The following ARHGEF10 variants were observed in gnomAD, a reference collection of about 807,000 sequenced individuals.
ARHGEF10 encodes Rho guanine nucleotide exchange factor 10.
ARHGEF10 carries 140 observed loss-of-function variants against 147.4 expected under a neutral mutation model. That is an observed-to-expected ratio of 0.95 (90% CI 0.83 to 1.09). ARHGEF10 has a LOEUF of 1.09. Ranked by LOEUF, ARHGEF10 falls within the 50% of genes least tolerant of loss-of-function variation. The pLI is 0.00. For synonymous variants in ARHGEF10, 902 were observed against 695.8 expected, an observed-to-expected ratio of 1.30 and a Z score of -4.67; for missense variants, 2,222 against 1,752.7, an observed-to-expected ratio of 1.27 and a Z score of -4.78.
chr8:1,889,212 C>G lies in ARHGEF10; in HGVS notation c.1182+3505C>G, dbSNP rs555155631. ...GTGGGGTGAGGTTTATTAGGAGACA[C>G]TGAATGGGGTGAGGGTTGTGAGGAG... On this transcript the variant is annotated intron_variant, in intron 11 of 28. Transcript: ENST00000349830. Among the ~76,000 whole-genome samples, 5 of 100,736 alleles carry G rather than the reference C, an allele frequency of 5.0e-5. 1 individual carries two copies. In the East Asian group the frequency reaches 1.3e-3, roughly 26 times the overall value. 66.1% of individuals were successfully genotyped at this position (100,736 alleles called of 152,430 possible).
chr8:1,955,556 T>C (rs1485289989), intron 28 of ARHGEF10, among the ~76,000 whole-genome samples: 3 of 148,506 alleles, frequency 2.0e-5, no homozygotes, highest in South Asian at 2.1e-4. Flanking sequence ...TCTCACTGTT[T>C]CTCTGGATGG....
At position 1,876,707 on chromosome 8, in the gene ARHGEF10, C is replaced by G; in HGVS notation, c.816C>G (p.Ser272=). The part of the protein sequence containing the change: ...DSECKNGIPR[S]FLRSNHKKQL... Reference sequence around the variant, plus strand: ...AGTGCAAGAATGGGATTCCCAGGTCCTTCCTGCGCAGCAACCACAAAAAGC... The same window carrying G: ...AGTGCAAGAATGGGATTCCCAGGTCGTTCCTGCGCAGCAACCACAAAAAGC... Residue 272 remains serine (S), a synonymous_variant, in exon 8 of 29, where the codon TCC becomes TCG. Coordinates refer to ENST00000349830, the MANE Select transcript of ARHGEF10 (RefSeq NM_014629.4). The G allele has an allele frequency of 1.2e-6, 2 of 1,614,148 alleles. No individual in the cohort carries two copies. Among genetic ancestry groups the G allele is most frequent in the Non-Finnish European group, 1.7e-6 (2 of 1,180,040 alleles).
At position 1,860,158 on chromosome 8, in the gene ARHGEF10, T is replaced by C; in HGVS notation, c.455T>C (p.Ile152Thr). ...LLPAYSSPVI[I>T]CATSLDEEET... ...CCCGCCTACTCCAGCCCGGTCATCA[T>C]CTGCGCCACGTCCCTGGACGAAGAA... The change falls in exon 4 of 29, where the codon ATC becomes ACC. Residue 152 changes from isoleucine to threonine, a missense_variant. By Grantham distance (89) the Ile-to-Thr change is moderately conservative (BLOSUM62 -1). Transcript: ENST00000349830. The C allele has an allele frequency of 6.2e-7, 1 of 1,613,680 alleles. No homozygotes were observed. Among genetic ancestry groups the C allele is most frequent in the Non-Finnish European group, 8.5e-7 (1 of 1,179,956 alleles).
chr8:1,905,799 T>A (rs1041791660), intron 17 of ARHGEF10, 83 bp downstream of exon 17: 77 of 1,560,114 alleles, frequency 4.9e-5, no homozygotes, highest in Non-Finnish European at 6.5e-5. Flanking sequence ...CTTTGTTAAT[T>A]CTGTCACTCA....
intron 11 of ARHGEF10, among the ~76,000 whole-genome samples, chr8:1,890,224 G>T (rs945808580): frequency 7.3e-6 from 1 of 137,014 alleles, no homozygotes; most frequent in African/African-American, 2.8e-5. Flanking sequence ...GACACTGAGT[G>T]GGGTGAGGGT....
At chr8:1,826,628 T>C (rs189918571) in intron 1 of ARHGEF10, among the ~76,000 whole-genome samples, 2 of 152,296 alleles carry the variant, frequency 1.3e-5, no homozygotes, top group East Asian at 3.9e-4. Context: ...AAAACAAAGA[T>C]GTTTGGCATA....
intron 11 of ARHGEF10, among the ~76,000 whole-genome samples, chr8:1,892,950 A>T (rs1469111134): frequency 6.6e-6 from 1 of 152,162 alleles, no homozygotes; most frequent in Non-Finnish European, 1.5e-5. Context: ...ATGAAAAGCA[A>T]GATGGAAAAT....
At chr8:1,843,195 C>G (rs1300298608) in intron 1 of ARHGEF10, among the ~76,000 whole-genome samples, 158 bp from the exon 2 acceptor site, 1 of 152,208 alleles carries the variant, frequency 6.6e-6, no homozygotes, top group Non-Finnish European at 1.5e-5. Context: ...GGGAGATTTA[C>G]AAGTATTCAT....
intron 5 of ARHGEF10, 105 bp downstream of exon 5, chr8:1,864,541 C>A: frequency 2.4e-6 from 3 of 1,231,146 alleles, no homozygotes; most frequent in Non-Finnish European, 2.4e-6. Flanking sequence ...CTCAGCTCTG[C>A]GCGGCGGGAG....
rs1299129860 is a variant in ARHGEF10, at chr8:1,888,122, GGTGAGGGTTT to G, written c.1182+2417_1182+2426del. 6.8e-3 allele frequency among the ~76,000 whole-genome samples: 652 copies of G among 95,218 alleles called. 95 individuals are homozygous for G. Among genetic ancestry groups the G allele is most frequent in the Admixed American group, 0.017 (197 of 11,284 alleles). The allele number at this position is 95,218 out of a possible 152,430, so 62.5% of individuals were successfully genotyped here. ...AATGTTTTGAGGAGACACTTAGTGG[GGTGAGGGTTT>G]GCGAGGAGACACTTAGTGGGGCGAG... On this transcript the variant is annotated intron_variant, in intron 11 of 28. Coordinates refer to ENST00000349830, the MANE Select transcript of ARHGEF10 (RefSeq NM_014629.4).
chr8:1,899,151 AGCGGACG>A (rs555244531), intron 15 of ARHGEF10, among the ~76,000 whole-genome samples: 3 of 152,292 alleles, frequency 2.0e-5, no homozygotes, highest in African/African-American at 7.2e-5. Flanking sequence ...GACGTCTCAC[AGCGGACG>A]GCCTCTAGGT....
In ARHGEF10 at chr8:1,860,085, C is replaced by T; in HGVS notation, c.382C>T (p.Pro128Ser). The T allele has an allele frequency of 3.1e-6, 5 of 1,614,086 alleles. No homozygotes were observed. Among genetic ancestry groups the T allele is most frequent in the Non-Finnish European group, 4.2e-6 (5 of 1,179,956 alleles). Reference protein sequence around the residue: ...GLHVPCGYLVPVPCGYAVPSN... With the variant: ...GLHVPCGYLVSVPCGYAVPSN... ...CCATGTGCCCTGCGGGTACTTGGTG[C>T]CTGTACCCTGCGGCTATGCGGTGCC... The change falls in exon 4 of 29, where the codon CCT (proline) becomes TCT (serine). Residue 128 changes from proline to serine, a missense_variant. Physicochemically the swap from Pro to Ser is moderately conservative, Grantham distance 74 (BLOSUM62 -1). Coordinates refer to ENST00000349830, the MANE Select transcript of ARHGEF10 (RefSeq NM_014629.4).
intron 27 of ARHGEF10, among the ~76,000 whole-genome samples, chr8:1,949,396 C>T (rs186586198): frequency 1.0e-3 from 154 of 152,304 alleles, no homozygotes; most frequent in South Asian, 2.7e-3. Context: ...CATACACATT[C>T]GTTAGAGCGG....
intron 2 of ARHGEF10, among the ~76,000 whole-genome samples, chr8:1,845,391 G>T (rs1364605730): frequency 6.6e-6 from 1 of 152,190 alleles, no homozygotes; most frequent in Non-Finnish European, 1.5e-5. Flanking sequence ...CAGAGCTTGC[G>T]TGCTTTTCTG....
intron 8 of ARHGEF10, 143 bp from the exon 9 acceptor site, chr8:1,879,905 C>G: frequency 4.0e-6 from 3 of 741,208 alleles, no homozygotes; most frequent in South Asian, 2.9e-5. Flanking sequence ...AATGGGGACT[C>G]TCGCGTGTGG....
At chr8:1,840,325 G>A (rs1803920780) in intron 1 of ARHGEF10, among the ~76,000 whole-genome samples, 1 of 142,328 alleles carries the variant, frequency 7.0e-6, no homozygotes. Context: ...TGTCTGGTGT[G>A]GAAGCTGTCC....
intron 26 of ARHGEF10, 115 bp downstream of exon 26, chr8:1,934,057 G>T: frequency 7.2e-7 from 1 of 1,383,326 alleles, no homozygotes. Flanking sequence ...CCTTCTAGCC[G>T]GGCACAGTGG....
At chr8:1,825,035 A>G (rs1335745405) in intron 1 of ARHGEF10, among the ~76,000 whole-genome samples, 2 of 9,764 alleles carry the variant, frequency 2.0e-4, no homozygotes, top group Non-Finnish European at 1.8e-4. Context: ...CTGTCCCCCC[A>G]CACCCCACCT....
intron 26 of ARHGEF10, among the ~76,000 whole-genome samples, chr8:1,945,161 G>A (rs1814462238): frequency 6.6e-6 from 1 of 152,222 alleles, no homozygotes; most frequent in South Asian, 2.1e-4. Flanking sequence ...GGGCCTGGGG[G>A]GATGGATCCT....
Sources: gnomAD v4.1 joint callset for allele counts (sites outside exome capture counted in the v4.1 genomes callset) on GRCh38, gnomAD v4.1.1 for gene constraint, MANE v1.5 for transcripts, NCBI Gene and HGNC (gene_info 2026-07-23, HGNC 2026-07-21) for gene names.